TIPIN: variants seen among roughly 807,000 people sequenced by gnomAD.
TIPIN encodes TIMELESS-interacting protein.
Under a neutral mutation model 35.6 loss-of-function variants are expected in TIPIN, and 29 were observed. That is an observed-to-expected ratio of 0.82 (90% CI 0.61 to 1.11). The LOEUF (loss-of-function observed/expected upper bound fraction) is 1.11, where lower values mean the gene tolerates loss of function less well. TIPIN is among the 50% of genes most tolerant of loss of function. The pLI, the probability that TIPIN is intolerant of heterozygous loss-of-function variation, is 0.00. For synonymous variants in TIPIN, 102 were observed against 121.5 expected (o/e 0.84, Z 1.06); for missense variants, 296 against 345.4 (o/e 0.86, Z 1.13).
chr15:66,356,375 AGAT>A (rs2093204143), intron 1 of TIPIN, among the ~76,000 whole-genome samples: 1 of 152,120 alleles, frequency 6.6e-6, no homozygotes, highest in Non-Finnish European at 1.5e-5. Flanking sequence ...CCTGGGGTAA[AGAT>A]GATCAGGAAC....
intron 1 of TIPIN, among the ~76,000 whole-genome samples, chr15:66,377,746 G>A (rs760554180): frequency 2.7e-4 from 41 of 151,462 alleles, no homozygotes; most frequent in Non-Finnish European, 1.9e-4. Flanking sequence ...GCGCAATCTC[G>A]GCTCACTGCA....
chr15:66,382,452 A>G (rs1469084273), intron 1 of TIPIN: 1 of 881,048 alleles, frequency 1.1e-6, no homozygotes, highest in African/African-American at 1.8e-5. Flanking sequence ...ATCATGGCTC[A>G]CTGCAGCCTT....
Position 66,349,142 on chromosome 15 carries a change from T to C in TIPIN, c.412-19A>G. The C allele has an allele frequency of 1.9e-6, 3 of 1,607,486 alleles. No individual in the cohort carries two copies. The highest frequency in any genetic ancestry group is 2.6e-6 in the Non-Finnish European group (3 of 1,175,974). On this transcript the variant is annotated intron_variant, in intron 5 of 7. Transcript: ENST00000261881. ...AACAGGTCTGAAAATGAAAAGAGAT[T>C]ATTTATTTTTACCTCTTTACCAATC...
chr15:66,367,995 GACTA>G (rs1366720139), intron 1 of TIPIN, among the ~76,000 whole-genome samples: 2 of 151,306 alleles, frequency 1.3e-5, no homozygotes, highest in African/African-American at 4.9e-5. Flanking sequence ...CACCATGGCT[GACTA>G]ATTTTTGTAT....
intron 1 of TIPIN, among the ~76,000 whole-genome samples, chr15:66,368,912 A>G (rs1262374826): frequency 6.6e-6 from 1 of 152,202 alleles, no homozygotes; most frequent in Admixed American, 6.6e-5. Context: ...TGGCAATCAG[A>G]TGATGTCCCT....
chr15:66,348,281 C>A (rs11638920), intron 6 of TIPIN: 151,790 of 151,790 alleles, frequency 1, 75,895 homozygotes, highest in Non-Finnish European at 1. Flanking sequence ...ACTGGGGTTG[C>A]TCCAAAGGTA....
At chr15:66,347,327 T>C in intron 6 of TIPIN, 2 of 514,438 alleles carry the variant, frequency 3.9e-6, no homozygotes, top group Non-Finnish European at 3.9e-6. Flanking sequence ...ATGCAATCAA[T>C]ACCAGGAACA....
intron 1 of TIPIN, among the ~76,000 whole-genome samples, chr15:66,384,034 T>C (rs1025561012): frequency 6.6e-6 from 1 of 152,166 alleles, no homozygotes; most frequent in African/African-American, 2.4e-5. Flanking sequence ...TCTTGTTCTG[T>C]CGCCCAGGCT....
chr15:66,379,575 A>G, intron 1 of TIPIN: 1 of 1,611,574 alleles, frequency 6.2e-7, no homozygotes, highest in Non-Finnish European at 8.5e-7. Context: ...GAAATTTCGG[A>G]TTTCAACAAC....
intron 1 of TIPIN, among the ~76,000 whole-genome samples, chr15:66,364,416 G>A (rs1011349947): frequency 2.0e-5 from 3 of 151,660 alleles, no homozygotes; most frequent in Admixed American, 6.6e-5. Flanking sequence ...TGCCCGCCTC[G>A]GCTTCCCAGT....
At position 66,373,691 on chromosome 15, in the gene TIPIN, TATTA is replaced by T. The variant is rs199768943; in HGVS notation, c.-9+12912_-9+12915del. On this transcript the variant is annotated intron_variant, in intron 1 of 7. Coordinates refer to the TIPIN transcript ENST00000562124. Reference sequence around the variant, plus strand: ...ATTTGATATTGTCTTTTTCTTTTTTTATTAATTAATTAATTTGGTTTTTTGAGAC... The same window carrying T: ...ATTTGATATTGTCTTTTTCTTTTTTTATTAATTAATTTGGTTTTTTGAGAC... Among the ~76,000 whole-genome samples, 1,444 of 152,188 alleles carry T rather than the reference TATTA, an allele frequency of 9.5e-3. 22 individuals carry two copies. The highest frequency in any genetic ancestry group is 0.013 in the Non-Finnish European group (874 of 68,006).
chr15:66,364,449 C>G (rs1398837102), intron 1 of TIPIN, among the ~76,000 whole-genome samples: 1 of 152,054 alleles, frequency 6.6e-6, no homozygotes, highest in South Asian at 2.1e-4. Context: ...CAGGCATAAG[C>G]CCATGCCCAG....
At chr15:66,339,627 G>T (rs1566970275) in intron 7 of TIPIN, among the ~76,000 whole-genome samples, 3 of 152,106 alleles carry the variant, frequency 2.0e-5, no homozygotes. Context: ...CAGCACTTTG[G>T]AAGCCCAATG....
upstream of TIPIN, among the ~76,000 whole-genome samples, chr15:66,359,099 C>A (rs1481167479): frequency 1.3e-5 from 2 of 150,228 alleles, no homozygotes; most frequent in Non-Finnish European, 3.0e-5. Flanking sequence ...CTGCAGTGAG[C>A]CATGATCATG....
intron 1 of TIPIN, among the ~76,000 whole-genome samples, chr15:66,356,213 C>T (rs2093203148): frequency 6.6e-6 from 1 of 152,122 alleles, no homozygotes; most frequent in Admixed American, 6.6e-5. Flanking sequence ...CTCGATGTCC[C>T]CCTTGGGTGC....
At chr15:66,348,565 G>A (rs928934266) in intron 6 of TIPIN, among the ~76,000 whole-genome samples, 1 of 151,156 alleles carries the variant, frequency 6.6e-6, no homozygotes, top group Admixed American at 6.6e-5. Context: ...GCGCATGCCT[G>A]TGATCCCAGC....
intron 1 of TIPIN, chr15:66,379,203 G>A: frequency 4.0e-6 from 5 of 1,264,250 alleles, no homozygotes; most frequent in Non-Finnish European, 5.3e-6. Flanking sequence ...TTGCATCTTT[G>A]ATGCACCTGG....
chr15:66,351,638 TTTC>T (rs762752842), intron 3 of TIPIN, 38 bp from the exon 4 acceptor site: 4 of 1,395,096 alleles, frequency 2.9e-6, no homozygotes, highest in African/African-American at 2.7e-5. Context: ...CAAGTTTTAT[TTTC>T]TTTTTTTTTT....
At position 66,349,078 on chromosome 15, in the gene TIPIN, C is replaced by A; in HGVS notation, c.457G>T (p.Asp153Tyr). 6.2e-7 allele frequency: 1 copy of A among 1,610,058 alleles called. No homozygotes were observed. The highest frequency in any genetic ancestry group is 2.2e-5 in the East Asian group (1 of 44,848). Residue 153 changes from aspartate to tyrosine, a missense_variant, in exon 6 of 8, where the codon GAT (aspartate) becomes TAT (tyrosine). Transcript: ENST00000261881. Reference sequence around the variant, plus strand: ...TTCTTACCATTATTGCTAACAAAATCTTCATGTAAAATAGGGAGATCAAGT... The same window carrying A: ...TTCTTACCATTATTGCTAACAAAATATTCATGTAAAATAGGGAGATCAAGT... ...IRLDLPILHE[D>Y]FVSNNDEVAE...
Sources: gnomAD v4.1 joint callset for allele counts (sites outside exome capture counted in the v4.1 genomes callset) on GRCh38, gnomAD v4.1.1 for gene constraint, MANE v1.5 for transcripts, NCBI Gene and HGNC (gene_info 2026-07-23, HGNC 2026-07-21) for gene names.